The following TAS2R1 variants were observed in gnomAD, a reference collection of about 807,000 sequenced individuals.
TAS2R1 encodes taste 2 receptor member 1.
For synonymous variants in TAS2R1, 141 were observed against 134.2 expected (o/e 1.05, Z -0.35); for missense variants, 370 against 353.4 (o/e 1.05, Z -0.38).
At chr5:9,832,875 C>T in the TAS2R1 span, among the ~76,000 whole-genome samples, 2 of 152,242 alleles carry the variant, frequency 1.3e-5, no homozygotes, top group East Asian at 3.8e-4. Context: ...GACAGTGACA[C>T]AGCCTCAGGA....
chr5:9,632,425 C>T (rs890616683), upstream of TAS2R1, among the ~76,000 whole-genome samples: 9 of 152,160 alleles, frequency 5.9e-5, no homozygotes, highest in Non-Finnish European at 1.0e-4. Flanking sequence ...GTGGCAATTT[C>T]TTAAAATAAG....
the TAS2R1 span, among the ~76,000 whole-genome samples, chr5:9,881,497 G>GA: frequency 6.6e-6 from 1 of 151,970 alleles, no homozygotes; most frequent in Non-Finnish European, 1.5e-5. Flanking sequence ...CACAGAATTA[G>GA]AAAAAAACTA....
At chr5:9,893,699 T>C in the TAS2R1 span, among the ~76,000 whole-genome samples, 1 of 152,222 alleles carries the variant, frequency 6.6e-6, no homozygotes, top group African/African-American at 2.4e-5. Context: ...GAAGGACTTC[T>C]ATGCAAATAC....
At chr5:9,637,422 G>A (rs372792817) in intron 2 of TAS2R1, among the ~76,000 whole-genome samples, 1 of 152,024 alleles carries the variant, frequency 6.6e-6, no homozygotes, top group Non-Finnish European at 1.5e-5. Flanking sequence ...TGATCTTTTT[G>A]TGATTAATTT....
the TAS2R1 span, among the ~76,000 whole-genome samples, chr5:9,895,460 T>C: frequency 6.6e-6 from 1 of 152,244 alleles, no homozygotes; most frequent in African/African-American, 2.4e-5. Context: ...GCAATCACTG[T>C]GGCTGAGCCG....
the TAS2R1 span, among the ~76,000 whole-genome samples, chr5:9,766,919 T>C: frequency 6.6e-6 from 1 of 152,166 alleles, no homozygotes; most frequent in Non-Finnish European, 1.5e-5. Context: ...CCTCACTTCC[T>C]CATTGATCAC....
chr5:9,700,846 T>A (rs1311695784), intron 1 of TAS2R1, among the ~76,000 whole-genome samples: 1 of 152,172 alleles, frequency 6.6e-6, no homozygotes, highest in Non-Finnish European at 1.5e-5. Flanking sequence ...CCGGTCATGT[T>A]AGATTTAAGA....
chr5:9,700,008 G>A (rs1741443899), intron 1 of TAS2R1, among the ~76,000 whole-genome samples: 1 of 151,990 alleles, frequency 6.6e-6, no homozygotes, highest in African/African-American at 2.4e-5. Context: ...AATTTATCAG[G>A]TAATGCATTC....
the TAS2R1 span, among the ~76,000 whole-genome samples, chr5:9,774,836 C>T: frequency 2.3e-3 from 354 of 152,360 alleles, no homozygotes; most frequent in African/African-American, 8.2e-3. Flanking sequence ...GTGACACAGG[C>T]ACCTCTGTGG....
At chr5:9,672,530 A>G (rs1740789266) in intron 1 of TAS2R1, among the ~76,000 whole-genome samples, 1 of 152,166 alleles carries the variant, frequency 6.6e-6, no homozygotes, top group Admixed American at 6.6e-5. Context: ...CATCTGAAAA[A>G]ATGCTCAATA....
At chr5:9,785,744 G>A in the TAS2R1 span, among the ~76,000 whole-genome samples, 1 of 152,154 alleles carries the variant, frequency 6.6e-6, no homozygotes, top group Non-Finnish European at 1.5e-5. Flanking sequence ...CTAAAGACAG[G>A]GCAGGAGGTT....
At chr5:9,789,533 G>A in the TAS2R1 span, among the ~76,000 whole-genome samples, 3 of 152,176 alleles carry the variant, frequency 2.0e-5, no homozygotes, top group Non-Finnish European at 4.4e-5. Context: ...ATCACCAATT[G>A]TAAGGCAGAT....
At chr5:9,848,496 G>A in the TAS2R1 span, among the ~76,000 whole-genome samples, 3 of 152,096 alleles carry the variant, frequency 2.0e-5, no homozygotes, top group Non-Finnish European at 4.4e-5. Context: ...GGTTTGACAC[G>A]ATGAATAAGC....
At chr5:9,708,284 G>C (rs1010256347) in intron 1 of TAS2R1, among the ~76,000 whole-genome samples, 6 of 152,120 alleles carry the variant, frequency 3.9e-5, no homozygotes, top group African/African-American at 1.4e-4. Context: ...ACTTTCTTTT[G>C]GTTCTCAAGT....
the TAS2R1 span, among the ~76,000 whole-genome samples, chr5:9,878,284 G>A: frequency 2.0e-5 from 3 of 152,118 alleles, no homozygotes; most frequent in African/African-American, 7.2e-5. Context: ...TGCCTTAGTG[G>A]AGTACCGTAT....
At chr5:9,681,496 CT>C (rs1350588613) in intron 1 of TAS2R1, among the ~76,000 whole-genome samples, 1 of 133,284 alleles carries the variant, frequency 7.5e-6, no homozygotes, top group Non-Finnish European at 1.5e-5. Flanking sequence ...CAACTCACAC[CT>C]GTTCAACATT....
chr5:9,754,120 C>T, the TAS2R1 span, among the ~76,000 whole-genome samples: 7 of 152,236 alleles, frequency 4.6e-5, no homozygotes, highest in South Asian at 2.1e-4. Flanking sequence ...AATCAATAAA[C>T]GTAATCCAGC....
chr5:9,690,784 C>T (rs532374081), intron 1 of TAS2R1, among the ~76,000 whole-genome samples: 22 of 152,152 alleles, frequency 1.4e-4, no homozygotes, highest in African/African-American at 5.3e-4. Flanking sequence ...ATGCTAAAAC[C>T]TTAGCCTCAG....
At chr5:9,773,604 T>C in the TAS2R1 span, among the ~76,000 whole-genome samples, 1 of 152,192 alleles carries the variant, frequency 6.6e-6, no homozygotes, top group Non-Finnish European at 1.5e-5. Flanking sequence ...ACAGGACAGG[T>C]CTGGTGTTGA....
Sources: gnomAD v4.1 joint callset for allele counts (sites outside exome capture counted in the v4.1 genomes callset) on GRCh38, gnomAD v4.1.1 for gene constraint, MANE v1.5 for transcripts, NCBI Gene and HGNC (gene_info 2026-07-23, HGNC 2026-07-21) for gene names.